The following CNTLN variants were observed in gnomAD, a reference collection of about 807,000 sequenced individuals.
CNTLN encodes the protein centlein.
A neutral mutation model predicts 180.0 loss-of-function variants in CNTLN; 212 were observed. The observed-to-expected ratio is 1.18, with a 90% CI of 1.05 to 1.32. The LOEUF is 1.32. CNTLN is among the 40% of genes most tolerant of loss of function. The probability of loss-of-function intolerance (pLI) is 0.00; values close to 1 mark genes in which losing one functional copy is unlikely to be tolerated. For synonymous variants in CNTLN, 722 were observed against 563.1 expected, an observed-to-expected ratio of 1.28 and a Z score of -3.99; for missense variants, 2,095 against 1,610.9, an observed-to-expected ratio of 1.30 and a Z score of -5.14.
chr9:17,206,383 G>T (rs749515149), intron 2 of CNTLN, among the ~76,000 whole-genome samples: 2 of 152,148 alleles, frequency 1.3e-5, no homozygotes, highest in Non-Finnish European at 2.9e-5. Context: ...GCTCAGCTGC[G>T]TACTGTTGTG....
chr9:17,368,927 A>T (rs1293526677), intron 13 of CNTLN, among the ~76,000 whole-genome samples: 1 of 152,172 alleles, frequency 6.6e-6, no homozygotes, highest in Non-Finnish European at 1.5e-5. Flanking sequence ...TTGGGTACAA[A>T]CAATCCCAGA....
At chr9:17,319,466 A>C (rs1237026760) in intron 8 of CNTLN, among the ~76,000 whole-genome samples, 1 of 152,144 alleles carries the variant, frequency 6.6e-6, no homozygotes. Flanking sequence ...ATTTTTTTCT[A>C]TCTGTAAATT....
chr9:17,296,015 T>A (rs932445591), intron 6 of CNTLN, among the ~76,000 whole-genome samples: 2 of 133,992 alleles, frequency 1.5e-5, no homozygotes, highest in African/African-American at 7.2e-5. Flanking sequence ...TGTGTGTGTG[T>A]GTGTGTGTGT....
chr9:17,524,130 T>A, the CNTLN span, among the ~76,000 whole-genome samples: 11 of 152,248 alleles, frequency 7.2e-5, no homozygotes, highest in Non-Finnish European at 1.6e-4. Flanking sequence ...ATCAGAGTTT[T>A]CCAGAGAAGC....
intron 18 of CNTLN, among the ~76,000 whole-genome samples, chr9:17,445,687 C>G (rs1271106201): frequency 1.3e-5 from 2 of 152,144 alleles, no homozygotes; most frequent in African/African-American, 4.8e-5. Context: ...CTAGGAAAGC[C>G]AGGTATTGTC....
chr9:17,408,663 T>C (rs926343361), intron 15 of CNTLN, among the ~76,000 whole-genome samples: 1 of 151,840 alleles, frequency 6.6e-6, no homozygotes, highest in Non-Finnish European at 1.5e-5. Context: ...TAGTCAGGCG[T>C]GGTGATGGGC....
intron 10 of CNTLN, among the ~76,000 whole-genome samples, chr9:17,337,091 G>A (rs1192857132): frequency 4.6e-5 from 7 of 152,040 alleles, no homozygotes; most frequent in Non-Finnish European, 1.0e-4. Flanking sequence ...ATGTTTGTTG[G>A]CTACATAAAC....
chr9:17,483,639 C>G (rs1315368807), intron 23 of CNTLN, among the ~76,000 whole-genome samples: 1 of 152,164 alleles, frequency 6.6e-6, no homozygotes, highest in Non-Finnish European at 1.5e-5. Flanking sequence ...GTTACCCACA[C>G]GTAGGTGTGG....
At chr9:17,419,178 G>C (rs1337303399) in intron 18 of CNTLN, among the ~76,000 whole-genome samples, 1 of 152,016 alleles carries the variant, frequency 6.6e-6, no homozygotes, top group Non-Finnish European at 1.5e-5. Flanking sequence ...CATATAGATA[G>C]TATTTTACAA....
chr9:17,341,013 G>A, intron 11 of CNTLN, 65 bp downstream of exon 11: 1 of 1,402,242 alleles, frequency 7.1e-7, no homozygotes, highest in East Asian at 2.6e-5. Flanking sequence ...GCATTATATA[G>A]GTGTCTTAAT....
rs553214862 is a variant in CNTLN, at chr9:17,399,089, G to A, written c.2615+4020G>A. On this transcript the variant is annotated intron_variant, in intron 15 of 25. Transcript: ENST00000380647. Reference sequence around the variant, plus strand: ...CTTCCTACAATTTGCTGTTCCTTGGGACGCAAGTCCTTTCTTTTCCCTTAT... The same window carrying A: ...CTTCCTACAATTTGCTGTTCCTTGGAACGCAAGTCCTTTCTTTTCCCTTAT... Among the ~76,000 whole-genome samples, 2 of 152,154 alleles carry A rather than the reference G, an allele frequency of 1.3e-5. 1 individual carries two copies. The highest frequency in any genetic ancestry group is 4.1e-4 in the South Asian group (2 of 4,828).
At chr9:17,255,567 T>A (rs1826427756) in intron 5 of CNTLN, among the ~76,000 whole-genome samples, 1 of 151,848 alleles carries the variant, frequency 6.6e-6, no homozygotes, top group Non-Finnish European at 1.5e-5. Context: ...TAACCTTTTT[T>A]GCTAGTATTT....
chr9:17,219,508 A>G (rs1353179582), intron 2 of CNTLN, among the ~76,000 whole-genome samples: 2 of 152,058 alleles, frequency 1.3e-5, no homozygotes, highest in Non-Finnish European at 2.9e-5. Flanking sequence ...TTATCTTTCA[A>G]TTTCAAAATT....
chr9:17,275,745 T>G (rs528221278), intron 6 of CNTLN, among the ~76,000 whole-genome samples: 1 of 152,224 alleles, frequency 6.6e-6, no homozygotes, highest in African/African-American at 2.4e-5. Context: ...TTATTATAAA[T>G]AAAGCAAGAA....
chr9:17,203,526 T>C, intron 2 of CNTLN, among the ~76,000 whole-genome samples: 1 of 152,100 alleles, frequency 6.6e-6, no homozygotes, highest in Middle Eastern at 3.2e-3. Context: ...GCCTTGTTTG[T>C]TCCTTTTAAT....
intron 5 of CNTLN, among the ~76,000 whole-genome samples, chr9:17,248,770 A>T (rs1386016239): frequency 6.6e-6 from 1 of 151,494 alleles, no homozygotes; most frequent in Non-Finnish European, 1.5e-5. Context: ...TGCAAACCTG[A>T]ACGGACCAGT....
At chr9:17,470,943 C>T (rs1273502540) in intron 23 of CNTLN, among the ~76,000 whole-genome samples, 2 of 151,966 alleles carry the variant, frequency 1.3e-5, no homozygotes, top group African/African-American at 2.4e-5. Flanking sequence ...TAATTTTACA[C>T]ATACAATTGT....
chr9:17,310,377 A>G (rs1819045862), intron 8 of CNTLN, among the ~76,000 whole-genome samples: 1 of 152,114 alleles, frequency 6.6e-6, no homozygotes, highest in South Asian at 2.1e-4. Context: ...TATGTTACTA[A>G]GATTTATCCG....
intron 7 of CNTLN, chr9:17,299,937 C>A: frequency 7.8e-6 from 2 of 256,414 alleles, no homozygotes; most frequent in Non-Finnish European, 1.2e-5. Context: ...TCTTTGTGGT[C>A]CTCCCCAGTC....
Sources: gnomAD v4.1 joint callset for allele counts (sites outside exome capture counted in the v4.1 genomes callset) on GRCh38, gnomAD v4.1.1 for gene constraint, MANE v1.5 for transcripts, NCBI Gene and HGNC (gene_info 2026-07-23, HGNC 2026-07-21) for gene names.